MAST4: variants seen among roughly 807,000 people sequenced by gnomAD.
The protein encoded by MAST4 is microtubule associated serine/threonine kinase family member 4, also known as microtubule-associated serine/threonine-protein kinase 4.
Under a neutral mutation model 162.7 loss-of-function variants are expected in MAST4, and 89 were observed. The ratio of observed to expected loss-of-function variants is 0.55; its 90% CI spans 0.46 to 0.65. MAST4 has a LOEUF of 0.65. Among genes scored for constraint, MAST4 ranks in the 30% least tolerant of loss-of-function variants. The pLI, the probability that MAST4 is intolerant of heterozygous loss-of-function variation, is 0.00. For synonymous variants in MAST4, 1,479 were observed against 1,361.1 expected, an observed-to-expected ratio of 1.09 and a Z score of -1.91; for missense variants, 3,153 against 3,374.0, an observed-to-expected ratio of 0.93 and a Z score of 1.62.
At chr5:66,915,119 C>T (rs1764022177) in intron 4 of MAST4, among the ~76,000 whole-genome samples, 1 of 151,798 alleles carries the variant, frequency 6.6e-6, no homozygotes, top group Admixed American at 6.6e-5. Context: ...CAAAAATTAG[C>T]CGGGCATGGG....
chr5:66,925,555 A>G (rs1188045841), intron 4 of MAST4, among the ~76,000 whole-genome samples: 1 of 152,190 alleles, frequency 6.6e-6, no homozygotes, highest in Non-Finnish European at 1.5e-5. Flanking sequence ...CCAGGACTGT[A>G]GCCATTCTTA....
intron 1 of MAST4, among the ~76,000 whole-genome samples, chr5:66,598,373 A>G (rs1742334440): frequency 6.6e-6 from 1 of 152,208 alleles, no homozygotes; most frequent in African/African-American, 2.4e-5. Flanking sequence ...CATAATCTGT[A>G]AAAGGAGGAG....
intron 4 of MAST4, among the ~76,000 whole-genome samples, chr5:67,048,262 C>T (rs1757621242): frequency 6.6e-6 from 1 of 152,016 alleles, no homozygotes; most frequent in Non-Finnish European, 1.5e-5. Context: ...CTAAAATTTG[C>T]TTCAAAGGAA....
chr5:66,672,445 G>A (rs1747669075), intron 1 of MAST4, among the ~76,000 whole-genome samples: 2 of 151,938 alleles, frequency 1.3e-5, no homozygotes, highest in Admixed American at 1.3e-4. Context: ...AACCAGTATT[G>A]TTTCATTTGA....
intron 3 of MAST4, among the ~76,000 whole-genome samples, chr5:66,845,730 A>G (rs952311106): frequency 6.6e-5 from 10 of 152,272 alleles, no homozygotes; most frequent in Non-Finnish European, 1.2e-4. Context: ...ATTGCTACCA[A>G]CCGTGTAAAA....
chr5:67,075,758 C>A (rs1280108735), intron 5 of MAST4, among the ~76,000 whole-genome samples: 1 of 152,278 alleles, frequency 6.6e-6, no homozygotes, highest in Non-Finnish European at 1.5e-5. Context: ...CATTATCTCA[C>A]ACATTGTTCC....
intron 4 of MAST4, among the ~76,000 whole-genome samples, chr5:66,927,199 T>C (rs908324792): frequency 6.6e-6 from 1 of 152,174 alleles, no homozygotes; most frequent in Non-Finnish European, 1.5e-5. Context: ...GAAAGAGAGA[T>C]GTTATGGAAG....
intron 1 of MAST4, among the ~76,000 whole-genome samples, chr5:66,725,233 A>G (rs1461735445): frequency 6.6e-6 from 1 of 152,088 alleles, no homozygotes; most frequent in South Asian, 2.1e-4. Context: ...CTTTTTTTCT[A>G]ATTGTAAGTA....
At chr5:66,970,427 C>T (rs1747291487) in intron 4 of MAST4, among the ~76,000 whole-genome samples, 1 of 152,100 alleles carries the variant, frequency 6.6e-6, no homozygotes, top group Admixed American at 6.5e-5. Flanking sequence ...TATAAACTTG[C>T]AGAACCTAGG....
At chr5:66,739,512 A>T (rs1752359194) in intron 1 of MAST4, among the ~76,000 whole-genome samples, 1 of 152,132 alleles carries the variant, frequency 6.6e-6, no homozygotes, top group Non-Finnish European at 1.5e-5. Flanking sequence ...CTCTTTTCAC[A>T]TATATAGAGG....
chr5:67,116,686 C>T (rs1028578983), intron 12 of MAST4, among the ~76,000 whole-genome samples: 1 of 151,828 alleles, frequency 6.6e-6, no homozygotes, highest in African/African-American at 2.4e-5. Flanking sequence ...CATGGTGGCA[C>T]ACACCTGTAG....
intron 5 of MAST4, among the ~76,000 whole-genome samples, chr5:67,078,301 T>A (rs372466434): frequency 6.7e-6 from 1 of 148,202 alleles, no homozygotes; most frequent in Non-Finnish European, 1.5e-5. Context: ...AGAAAACCAG[T>A]CTTCAATATA....
At chr5:66,860,187 T>C (rs1253633512) in intron 3 of MAST4, among the ~76,000 whole-genome samples, 2 of 152,232 alleles carry the variant, frequency 1.3e-5, no homozygotes. Context: ...CTTTATTTTC[T>C]CATCTGTAAA....
intron 3 of MAST4, among the ~76,000 whole-genome samples, chr5:66,852,725 G>T (rs751951368): frequency 1.3e-5 from 2 of 152,164 alleles, no homozygotes; most frequent in African/African-American, 2.4e-5. Context: ...CCATTGCAAT[G>T]CAAGTTCTCG....
intron 4 of MAST4, among the ~76,000 whole-genome samples, chr5:66,947,851 G>T (rs1487071353): frequency 6.6e-6 from 1 of 152,148 alleles, no homozygotes; most frequent in Non-Finnish European, 1.5e-5. Context: ...TTTAGAGTCA[G>T]TAGCTGATGA....
At chr5:66,759,644 T>G (rs1753739859) in intron 1 of MAST4, 65 bp from the exon 2 acceptor site, 5 of 1,539,826 alleles carry the variant, frequency 3.2e-6, no homozygotes, top group Admixed American at 3.6e-5. Flanking sequence ...GTGTGAATGA[T>G]TGGTCTTTCA....
chr5:66,634,136 C>T (rs777966904), intron 1 of MAST4, among the ~76,000 whole-genome samples: 22 of 152,020 alleles, frequency 1.4e-4, no homozygotes, highest in South Asian at 6.2e-4. Context: ...CTTGGCTCAC[C>T]GCAACCTCCA....
chr5:66,888,056 TAAAA>T (rs1464954654), intron 3 of MAST4, among the ~76,000 whole-genome samples: 1 of 151,434 alleles, frequency 6.6e-6, no homozygotes, highest in Non-Finnish European at 1.5e-5. Flanking sequence ...AAAAAAAAAA[TAAAA>T]ATAAAATAGT....
At chr5:66,866,647 T>C (rs537046500) in intron 3 of MAST4, among the ~76,000 whole-genome samples, 1 of 152,336 alleles carries the variant, frequency 6.6e-6, no homozygotes, top group East Asian at 1.9e-4. Flanking sequence ...AGAGGTTTGG[T>C]TGGGGGTGAG....
Sources: gnomAD v4.1 joint callset for allele counts (sites outside exome capture counted in the v4.1 genomes callset) on GRCh38, gnomAD v4.1.1 for gene constraint, MANE v1.5 for transcripts, NCBI Gene and HGNC (gene_info 2026-07-23, HGNC 2026-07-21) for gene names.